Variants in GRIA1 observed in about 807,000 individuals in gnomAD.
GRIA1 encodes glutamate receptor 1.
A neutral mutation model predicts 99.2 loss-of-function variants in GRIA1; 31 were observed. That is an observed-to-expected ratio of 0.31 (90% confidence interval 0.23 to 0.42). The LOEUF (loss-of-function observed/expected upper bound fraction) is 0.42. Among genes scored for constraint, GRIA1 ranks in the 10% least tolerant of loss-of-function variants. The pLI, the probability that GRIA1 is intolerant of heterozygous loss-of-function variation, is 1.00. For synonymous variants in GRIA1, 438 were observed against 432.4 expected (o/e 1.01, Z -0.16); for missense variants, 782 against 1,157.5 (o/e 0.68, Z 4.71).
At chr5:153,647,705 T>TATC (rs371732530) in intron 3 of GRIA1, among the ~76,000 whole-genome samples, 149 of 152,340 alleles carry the variant, frequency 9.8e-4, no homozygotes, top group African/African-American at 3.5e-3. Context: ...TTTTAGATGT[T>TATC]ATCATCATCA....
In GRIA1 at chr5:153,705,840, T is replaced by C. The variant is rs771973279; in HGVS notation, c.1596T>C (p.Leu532=). ...CCAAGCCGGGTGTCTTCTCCTTCCT[T>C]GATCCTTTGGCTTATGAGATTTGGA... ...QKSKPGVFSF[L]DPLAYEIWMC... is the part of the protein sequence containing the mutation. The change falls in exon 11 of 16, where the codon CTT becomes CTC. Residue 532 remains leucine (L), a synonymous_variant. Coordinates refer to ENST00000285900, the MANE Select transcript of GRIA1 (RefSeq NM_000827.4). 2 of 1,614,042 alleles carry C rather than the reference T, an allele frequency of 1.2e-6. No homozygotes were observed. Among genetic ancestry groups the C allele is most frequent in the Non-Finnish European group, 1.7e-6 (2 of 1,179,994 alleles).
At chr5:153,799,850 C>G (rs1280644820) in intron 14 of GRIA1, among the ~76,000 whole-genome samples, 1 of 152,140 alleles carries the variant, frequency 6.6e-6, no homozygotes, top group Non-Finnish European at 1.5e-5. Flanking sequence ...ATTAGGCCCT[C>G]CTTCTTTGCC....
chr5:153,766,862 A>C (rs761071074), intron 12 of GRIA1, among the ~76,000 whole-genome samples: 1 of 152,202 alleles, frequency 6.6e-6, no homozygotes, highest in Non-Finnish European at 1.5e-5. Context: ...ACGTCAGTTG[A>C]CATATTACTG....
At chr5:153,727,497 A>C (rs1326801457) in intron 11 of GRIA1, among the ~76,000 whole-genome samples, 1 of 152,206 alleles carries the variant, frequency 6.6e-6, no homozygotes, top group Non-Finnish European at 1.5e-5. Context: ...CCATTGTCTC[A>C]GCCCAAAATC....
chr5:153,512,323 T>C (rs923097510), intron 2 of GRIA1, among the ~76,000 whole-genome samples: 3 of 152,198 alleles, frequency 2.0e-5, no homozygotes, highest in Admixed American at 2.0e-4. Context: ...AATAGTGTCA[T>C]ATTTATAGAG....
chr5:153,556,291 C>T (rs974513385), intron 2 of GRIA1, among the ~76,000 whole-genome samples: 1 of 147,770 alleles, frequency 6.8e-6, no homozygotes, highest in African/African-American at 2.5e-5. Context: ...TTAGTTATGG[C>T]CAAGAAAGGA....
At position 153,742,982 on chromosome 5, in the gene GRIA1, C is replaced by A. The variant is rs574286218; in HGVS notation, c.1824-21452C>A. On this transcript the variant is annotated intron_variant, in intron 11 of 15. Transcript: ENST00000285900. ...GGGGGCAAATTTTCTGCCTATCACA[C>A]CTTACTTTGTGGGTGAGGAAATTGA... Among the ~76,000 whole-genome samples the A allele has an allele frequency of 2.0e-5, 3 of 152,280 alleles. No individual in the cohort carries two copies. In the South Asian group the frequency reaches 6.2e-4, roughly 32 times the overall value.
At chr5:153,719,986 G>C (rs1047472339) in intron 11 of GRIA1, among the ~76,000 whole-genome samples, 1 of 152,196 alleles carries the variant, frequency 6.6e-6, no homozygotes, top group Admixed American at 6.5e-5. Context: ...GTGATTATTA[G>C]TATTCCATGT....
chr5:153,509,613 A>G (rs1755862485), intron 2 of GRIA1, among the ~76,000 whole-genome samples: 1 of 152,218 alleles, frequency 6.6e-6, no homozygotes, highest in Non-Finnish European at 1.5e-5. Context: ...TTTCCAGGGC[A>G]ATACAATGGT....
At chr5:153,782,311 A>C (rs968290240) in intron 13 of GRIA1, among the ~76,000 whole-genome samples, 3 of 152,212 alleles carry the variant, frequency 2.0e-5, no homozygotes, top group Non-Finnish European at 2.9e-5. Context: ...TTCAGAGTCT[A>C]TGCTCTTATC....
chr5:153,688,277 C>T (rs1757479485), intron 8 of GRIA1, among the ~76,000 whole-genome samples: 1 of 152,098 alleles, frequency 6.6e-6, no homozygotes, highest in Non-Finnish European at 1.5e-5. Flanking sequence ...GGGAACGTAT[C>T]CACTTCTTCA....
Position 153,740,966 on chromosome 5 carries a change from C to CTTTT in GRIA1, c.1824-23446_1824-23443dup, listed in dbSNP as rs10601141. Among the ~76,000 whole-genome samples, 79 of 76,820 alleles carry CTTTT rather than the reference C, an allele frequency of 1.0e-3. 1 individual carries two copies. Among genetic ancestry groups the CTTTT allele is most frequent in the South Asian group, 1.5e-3 (2 of 1,376 alleles). The allele number at this position is 76,820 out of a possible 152,430, so 50.4% of individuals were successfully genotyped here. On this transcript the variant is annotated intron_variant, in intron 11 of 15. Coordinates refer to ENST00000285900, the MANE Select transcript of GRIA1 (RefSeq NM_000827.4). Reference sequence around the variant, plus strand: ...CTTGGCAGGGATGTGAAGAAATTGGCTTTTTTTTTTTTTTTTTTTTTTTTT... The same window carrying CTTTT: ...CTTGGCAGGGATGTGAAGAAATTGGCTTTTTTTTTTTTTTTTTTTTTTTTTTTTT...
At chr5:153,702,902 C>T (rs1479054024) in intron 10 of GRIA1, among the ~76,000 whole-genome samples, 2 of 152,188 alleles carry the variant, frequency 1.3e-5, no homozygotes, top group Non-Finnish European at 2.9e-5. Flanking sequence ...AATTATTATG[C>T]CTGCTTTTAA....
intron 4 of GRIA1, 151 bp from the exon 5 acceptor site, chr5:153,655,668 C>T: frequency 3.1e-6 from 2 of 648,838 alleles, no homozygotes; most frequent in South Asian, 1.8e-5. Context: ...GCTAACAATG[C>T]CACCATCATT....
chr5:153,514,786 G>A (rs550403391), intron 2 of GRIA1, among the ~76,000 whole-genome samples: 1 of 152,174 alleles, frequency 6.6e-6, no homozygotes, highest in African/African-American at 2.4e-5. Context: ...TATTAAAAAT[G>A]GGCAAAAGAC....
chr5:153,657,831 C>A lies in GRIA1; in HGVS notation c.699+1959C>A, dbSNP rs1755064280. On this transcript the variant is annotated intron_variant, in intron 5 of 15. Coordinates refer to ENST00000285900, the MANE Select transcript of GRIA1 (RefSeq NM_000827.4). ...CAGCTGTTAATGGCTAAATATATTA[C>A]CTTTCTCAGAGGTATTTGCATTTTA... is the stretch of plus-strand genomic sequence containing the variant. 2.0e-5 allele frequency among the ~76,000 whole-genome samples: 3 copies of A among 152,282 alleles called. No individual in the cohort carries two copies. The South Asian group carries it at 6.2e-4, about 32-fold the overall frequency.
intron 2 of GRIA1, among the ~76,000 whole-genome samples, chr5:153,558,787 A>G (rs1267468228): frequency 6.6e-6 from 1 of 152,156 alleles, no homozygotes; most frequent in African/African-American, 2.4e-5. Flanking sequence ...TGAGAAATAT[A>G]CATTAATGTA....
intron 2 of GRIA1, among the ~76,000 whole-genome samples, chr5:153,585,742 A>G (rs114033695): frequency 0.017 from 2,629 of 152,030 alleles, 44 homozygotes; most frequent in South Asian, 0.048. Context: ...TCCCGTCCTC[A>G]TTTCTGGCTA....
intron 2 of GRIA1, among the ~76,000 whole-genome samples, chr5:153,633,331 A>G (rs1260722064): frequency 6.6e-6 from 1 of 152,106 alleles, no homozygotes; most frequent in Admixed American, 6.5e-5. Context: ...TTTAGCAGGG[A>G]TATACAAAGG....
Sources: allele counts gnomAD v4.1 joint callset (sites outside exome capture counted in the v4.1 genomes callset), GRCh38; gene constraint gnomAD v4.1.1; transcripts MANE v1.5; gene names NCBI Gene and HGNC (gene_info 2026-07-23, HGNC 2026-07-21).